Variants in SEPTIN2 observed in about 807,000 individuals in gnomAD.
SEPTIN2 encodes septin-2.
Under a neutral mutation model 46.5 loss-of-function variants are expected in SEPTIN2, and 34 were observed. That is an observed-to-expected ratio of 0.73 (90% confidence interval 0.56 to 0.97). SEPTIN2 has a LOEUF of 0.97. Ranked by LOEUF, SEPTIN2 falls within the 50% of genes least tolerant of loss-of-function variation. The pLI is 0.00. For synonymous variants in SEPTIN2, 175 were observed against 153.4 expected (o/e 1.14, Z -1.04); for missense variants, 347 against 448.4 (o/e 0.77, Z 2.04).
At chr2:241,324,411 G>T (rs770499677) in intron 2 of SEPTIN2, 170 bp downstream of exon 2, 72 of 568,332 alleles carry the variant, frequency 1.3e-4, no homozygotes, top group Non-Finnish European at 1.9e-4. Context: ...TTTTTGAGAC[G>T]GGAGTCTTGT....
chr2:241,318,201 CAA>C (rs1005007573), intron 1 of SEPTIN2: 1 of 151,688 alleles, frequency 6.6e-6, no homozygotes, highest in African/African-American at 2.4e-5. Context: ...CAGTTTAAGA[CAA>C]ATAGTTTCTC....
At chr2:241,316,066 C>T (rs2076146781) in intron 1 of SEPTIN2, 84 bp downstream of exon 1, 1 of 157,878 alleles carries the variant, frequency 6.3e-6, no homozygotes, top group South Asian at 1.9e-4. Flanking sequence ...TCGTCCCATA[C>T]TCTCGGGCGG....
In SEPTIN2 at chr2:241,323,156, G is replaced by A. The variant is rs1271830460; in HGVS notation, c.-17-1060G>A. Among the ~76,000 whole-genome samples the A allele has an allele frequency of 2.6e-5, 4 of 151,322 alleles. No individual in the cohort carries two copies. In the East Asian group the frequency reaches 7.8e-4, roughly 29 times the overall value. On this transcript the variant is annotated intron_variant, in intron 1 of 12. Coordinates refer to ENST00000391971, the MANE Select transcript of SEPTIN2 (RefSeq NM_004404.5). ...GCTGGGATTACAGGCGTCAGCCACT[G>A]CACCCAGCCACCATCTAATTTTTTT...
At chr2:241,326,808 G>A (rs1469437389) in intron 3 of SEPTIN2, among the ~76,000 whole-genome samples, 1 of 152,176 alleles carries the variant, frequency 6.6e-6, no homozygotes, top group Non-Finnish European at 1.5e-5. Context: ...TATCCTCCAG[G>A]CCAGGCATGG....
At chr2:241,325,873 A>G (rs1212565811) in intron 2 of SEPTIN2, 120 bp from the exon 3 acceptor site, 2 of 898,492 alleles carry the variant, frequency 2.2e-6, no homozygotes, top group Non-Finnish European at 3.2e-6. Flanking sequence ...GGAAGTGTTT[A>G]TACTTTTTAA....
chr2:241,350,191 C>T lies in SEPTIN2; in HGVS notation c.*17C>T, dbSNP rs1049886511. On this transcript the variant is annotated 3_prime_UTR_variant, in exon 12 of 13. Transcript: ENST00000391971. ...CACGTGTAAGGTGATGTGCACATAT[C>T]AAGAAGTCAGAGGTAGGCCCTGTTG... 5.7e-6 allele frequency: 9 copies of T among 1,592,640 alleles called. No homozygotes were observed. Among genetic ancestry groups the T allele is most frequent in the Non-Finnish European group, 7.7e-6 (9 of 1,168,894 alleles).
chr2:241,340,068 A>T (rs1193653972), intron 7 of SEPTIN2, among the ~76,000 whole-genome samples: 1 of 152,198 alleles, frequency 6.6e-6, no homozygotes, highest in African/African-American at 2.4e-5. Context: ...TATACATTTA[A>T]ATTTTTGAAG....
chr2:241,345,991 C>T (rs2060198052), intron 9 of SEPTIN2, among the ~76,000 whole-genome samples, 175 bp from the exon 10 acceptor site: 1 of 152,210 alleles, frequency 6.6e-6, no homozygotes, highest in Non-Finnish European at 1.5e-5. Context: ...AGCTACACCT[C>T]ACTAGACATT....
At chr2:241,332,711 C>A (rs1456943584) in intron 3 of SEPTIN2, among the ~76,000 whole-genome samples, 1 of 152,234 alleles carries the variant, frequency 6.6e-6, no homozygotes, top group Non-Finnish European at 1.5e-5. Context: ...TAGCCCCAAA[C>A]TGGGGACAGC....
At chr2:241,345,807 AG>A (rs1486188139) in intron 9 of SEPTIN2, among the ~76,000 whole-genome samples, 1 of 152,210 alleles carries the variant, frequency 6.6e-6, no homozygotes, top group Non-Finnish European at 1.5e-5. Flanking sequence ...AAGTCCTTTT[AG>A]AAGAGTGTCT....
intron 1 of SEPTIN2, among the ~76,000 whole-genome samples, chr2:241,319,125 G>A (rs985796789): frequency 2.0e-5 from 3 of 152,110 alleles, no homozygotes; most frequent in African/African-American, 7.2e-5. Flanking sequence ...TGCAATATCT[G>A]GATCTTACTT....
At chr2:241,320,085 G>A (rs1469950457) in intron 1 of SEPTIN2, 2 of 353,104 alleles carry the variant, frequency 5.7e-6, no homozygotes, top group South Asian at 4.5e-5. Flanking sequence ...ATATTTGTGA[G>A]TGAGATTGGC....
chr2:241,337,665 A>G lies in SEPTIN2; in HGVS notation c.477-8A>G, dbSNP rs1452068824. The G allele has an allele frequency of 6.2e-7, 1 of 1,602,098 alleles. No homozygotes were observed. The highest frequency in any genetic ancestry group is 8.5e-7 in the Non-Finnish European group (1 of 1,174,574). On this transcript the variant is annotated splice_region_variant and splice_polypyrimidine_tract_variant and intron_variant, in intron 6 of 12. Transcript: ENST00000391971. ...TTAAATAAGTGACAATTCTAAAATT[A>G]ATTTTAGACTTAAGCCCTTAGATGT... is the stretch of plus-strand genomic sequence containing the variant.
intron 9 of SEPTIN2, among the ~76,000 whole-genome samples, chr2:241,344,601 C>T (rs1347984433): frequency 6.6e-6 from 1 of 152,110 alleles, no homozygotes; most frequent in Non-Finnish European, 1.5e-5. Context: ...ACTCAGGAGG[C>T]TGAGGCAGGA....
intron 12 of SEPTIN2, 45 bp downstream of exon 12, chr2:241,350,248 C>CGTT (rs1553699585): frequency 1.8e-6 from 2 of 1,134,606 alleles, no homozygotes; most frequent in Non-Finnish European, 2.5e-6. Context: ...CAGTTACTAA[C>CGTT]ATTGTGTCAG....
At chr2:241,351,488 G>A (rs576715162) in intron 12 of SEPTIN2, 2 of 152,288 alleles carry the variant, frequency 1.3e-5, no homozygotes, top group South Asian at 2.1e-4. Flanking sequence ...TACTGATGAG[G>A]AAATTGTTGC....
At chr2:241,351,945 T>C (rs1011198274) in intron 12 of SEPTIN2, 22 bp from the exon 13 acceptor site, 1 of 152,638 alleles carries the variant, frequency 6.6e-6, no homozygotes, top group African/African-American at 2.4e-5. Flanking sequence ...CACTTAAGTG[T>C]GTTTTGTTTT....
In SEPTIN2 at chr2:241,352,363, AG is replaced by A. The variant is rs1365465381; in HGVS notation, c.*427del. 6.6e-6 allele frequency: 1 copy of A among 152,644 alleles called. No homozygotes were observed. The highest frequency in any genetic ancestry group is 2.4e-5 in the African/African-American group (1 of 41,456). The allele number at this position is 152,644 out of a possible 1,614,324, so 9.5% of individuals were successfully genotyped here. Reference sequence around the variant, plus strand: ...TCCTTAGTGGTAGAGGTGTGTGCCTAGTGATGTAGAAAGATACACTGACTTG... The same window carrying A: ...TCCTTAGTGGTAGAGGTGTGTGCCTATGATGTAGAAAGATACACTGACTTG... On this transcript the variant is annotated 3_prime_UTR_variant, in exon 13 of 13. Transcript: ENST00000391971.
At chr2:241,335,350 G>C in intron 4 of SEPTIN2, 138 bp downstream of exon 4, 2 of 1,552,724 alleles carry the variant, frequency 1.3e-6, no homozygotes, top group Non-Finnish European at 1.7e-6. Context: ...CACTTTTATG[G>C]GGTAGGTGTG....
Sources: allele counts gnomAD v4.1 joint callset (sites outside exome capture counted in the v4.1 genomes callset), GRCh38; gene constraint gnomAD v4.1.1; transcripts MANE v1.5; gene names NCBI Gene and HGNC (gene_info 2026-07-23, HGNC 2026-07-21).